Variants in LYN observed in about 807,000 individuals in gnomAD.
The protein encoded by LYN is tyrosine-protein kinase Lyn.
In LYN, 12 loss-of-function variants were observed where a neutral mutation model predicts 65.0. That is an observed-to-expected ratio of 0.18 (90% CI 0.12 to 0.30). LYN has a LOEUF of 0.30. Ranked by LOEUF, LYN falls within the 10% of genes least tolerant of loss-of-function variation. The probability of loss-of-function intolerance (pLI) is 1.00; values close to 1 mark genes in which losing one functional copy is unlikely to be tolerated. For missense variants in LYN, 380 were observed against 623.2 expected (o/e 0.61, Z 4.16); for synonymous variants, 222 against 221.2 (o/e 1.00, Z -0.03).
chr8:55,931,096 TTA>T (rs1374392018), intron 1 of LYN, among the ~76,000 whole-genome samples: 1 of 147,800 alleles, frequency 6.8e-6, no homozygotes. Context: ...TATATATAAG[TTA>T]TATATATATA....
At chr8:55,931,472 AC>A (rs1162726977) in intron 1 of LYN, among the ~76,000 whole-genome samples, 1 of 151,442 alleles carries the variant, frequency 6.6e-6, no homozygotes, top group Non-Finnish European at 1.5e-5. Flanking sequence ...TATAAAATAT[AC>A]CTTTTAAATA....
chr8:55,936,958 G>A (rs66726290), intron 1 of LYN, among the ~76,000 whole-genome samples: 4 of 152,036 alleles, frequency 2.6e-5, no homozygotes, highest in Non-Finnish European at 5.9e-5. Context: ...AGGCACATAC[G>A]TGTTTATCCC....
intron 10 of LYN, among the ~76,000 whole-genome samples, chr8:55,995,724 G>C (rs750007071): frequency 1.3e-5 from 2 of 152,190 alleles, no homozygotes; most frequent in African/African-American, 4.8e-5. Flanking sequence ...ACAGAGGCAG[G>C]GGGTGTAGAA....
At chr8:55,966,691 G>A (rs544993528) in intron 8 of LYN, 24 bp from the exon 9 acceptor site, 1 of 1,606,426 alleles carries the variant, frequency 6.2e-7, no homozygotes, top group East Asian at 2.2e-5. Flanking sequence ...TATAAAGCAT[G>A]CCCGCCTTCT....
At chr8:55,882,500 T>C (rs1435697606) in intron 1 of LYN, among the ~76,000 whole-genome samples, 1 of 152,344 alleles carries the variant, frequency 6.6e-6, no homozygotes, top group African/African-American at 2.4e-5. Context: ...AAGGACACCA[T>C]GTATACATGC....
At chr8:55,990,239 CAAAA>C (rs34461698) in intron 10 of LYN, among the ~76,000 whole-genome samples, 1 of 45,410 alleles carries the variant, frequency 2.2e-5, no homozygotes, top group Non-Finnish European at 4.0e-5. Context: ...ACTCTGCCTC[CAAAA>C]AAAAAAAAAA....
chr8:55,967,319 TTTTTTTTTTTTTG>T (rs1480814045), intron 9 of LYN, among the ~76,000 whole-genome samples: 1 of 110,430 alleles, frequency 9.1e-6, no homozygotes, highest in Admixed American at 8.8e-5. Flanking sequence ...TTTTTTTTTT[TTTTTTTTTTTTTG>T]GAAACAGAGT....
chr8:55,992,699 T>C (rs962239617), intron 10 of LYN, among the ~76,000 whole-genome samples: 3 of 152,202 alleles, frequency 2.0e-5, no homozygotes, highest in African/African-American at 7.2e-5. Flanking sequence ...GATCTAGTGC[T>C]CTGCTTCTCA....
intron 1 of LYN, among the ~76,000 whole-genome samples, chr8:55,883,539 G>C (rs997976763): frequency 4.6e-5 from 7 of 152,228 alleles, no homozygotes; most frequent in African/African-American, 1.7e-4. Flanking sequence ...CCTAGTGACT[G>C]TCTTGGGGGC....
At chr8:55,992,302 G>C (rs1808270313) in intron 10 of LYN, among the ~76,000 whole-genome samples, 1 of 152,170 alleles carries the variant, frequency 6.6e-6, no homozygotes, top group African/African-American at 2.4e-5. Flanking sequence ...CTGTGATAGA[G>C]AGGGAGAGGA....
chr8:55,904,674 C>T (rs748883785), intron 1 of LYN, among the ~76,000 whole-genome samples: 16 of 151,960 alleles, frequency 1.1e-4, no homozygotes, highest in Admixed American at 2.0e-4. Context: ...TGCTTGAGCC[C>T]GGGAGGTGGA....
intron 10 of LYN, among the ~76,000 whole-genome samples, chr8:55,974,761 G>T (rs1807707421): frequency 6.6e-6 from 1 of 152,174 alleles, no homozygotes; most frequent in Non-Finnish European, 1.5e-5. Context: ...TATTATCCCA[G>T]TGAATCAACT....
At chr8:55,976,304 G>A (rs35829952) in intron 10 of LYN, among the ~76,000 whole-genome samples, 43,718 of 142,890 alleles carry the variant, frequency 0.31, 7,903 homozygotes, top group East Asian at 0.54. Context: ...TCCAGCCTGA[G>A]TGACAGAGCA....
chr8:55,905,502 C>G (rs1372550998), intron 1 of LYN, among the ~76,000 whole-genome samples: 2 of 152,136 alleles, frequency 1.3e-5, no homozygotes, highest in Non-Finnish European at 2.9e-5. Flanking sequence ...CCAGTCAGTT[C>G]CCACCTGAAT....
intron 8 of LYN, among the ~76,000 whole-genome samples, chr8:55,957,427 G>A (rs1002339034): frequency 1.3e-5 from 2 of 152,196 alleles, no homozygotes; most frequent in African/African-American, 4.8e-5. Flanking sequence ...GAAAAGAAAT[G>A]TAGAGGGAGG....
At position 56,010,269 on chromosome 8, in the gene LYN, A is replaced by C; in HGVS notation, c.*159A>C. 1.5e-6 allele frequency: 1 copy of C among 665,518 alleles called. No individual in the cohort carries two copies. Among genetic ancestry groups the C allele is most frequent in the Non-Finnish European group, 2.5e-6 (1 of 393,810 alleles). The allele number at this position is 665,518 out of a possible 1,614,324, so 41.2% of individuals were successfully genotyped here. A position where few individuals can be genotyped will look rare whatever the true frequency, so the allele number is the denominator to read the frequency against. The stretch of plus-strand genomic sequence containing the variant: ...ATTACTCAGGAAGAACACCCTCTAA[A>C]TGGGAAAGTATTCTGTACTCTTAGA... On this transcript the variant is annotated 3_prime_UTR_variant, in exon 13 of 13. Coordinates refer to ENST00000519728, the MANE Select transcript of LYN (RefSeq NM_002350.4).
intron 1 of LYN, among the ~76,000 whole-genome samples, chr8:55,886,516 G>T (rs1247031259): frequency 2.0e-5 from 3 of 152,170 alleles, no homozygotes; most frequent in Non-Finnish European, 1.5e-5. Flanking sequence ...CCAAAGTGCT[G>T]GGATTACAGG....
intron 1 of LYN, among the ~76,000 whole-genome samples, chr8:55,882,321 C>G (rs1804674246): frequency 6.6e-6 from 1 of 152,302 alleles, no homozygotes; most frequent in South Asian, 2.1e-4. Flanking sequence ...AGTGGTCCAG[C>G]ACTGTTCAAT....
intron 1 of LYN, among the ~76,000 whole-genome samples, chr8:55,924,843 T>C (rs1806056294): frequency 6.6e-6 from 1 of 152,142 alleles, no homozygotes; most frequent in African/African-American, 2.4e-5. Flanking sequence ...CAAAGAATGG[T>C]TTCCCTTTTG....
Sources: gnomAD v4.1 joint callset for allele counts (sites outside exome capture counted in the v4.1 genomes callset) on GRCh38, gnomAD v4.1.1 for gene constraint, MANE v1.5 for transcripts, NCBI Gene and HGNC (gene_info 2026-07-23, HGNC 2026-07-21) for gene names.